The following AFG2A variants were observed in gnomAD, a reference collection of about 807,000 sequenced individuals.
AFG2A encodes AAA ATPase AFG2A.
At chr4:123,179,960 C>T in the AFG2A span, among the ~76,000 whole-genome samples, 1 of 152,170 alleles carries the variant, frequency 6.6e-6, no homozygotes, top group Non-Finnish European at 1.5e-5. Context: ...TGACTCCTGC[C>T]TGTAATCCCC....
chr4:123,048,373 T>C, the AFG2A span, among the ~76,000 whole-genome samples: 13 of 152,104 alleles, frequency 8.5e-5, no homozygotes, highest in Non-Finnish European at 1.9e-4. Context: ...AAATTTAGGA[T>C]TGCTTTTTCT....
the AFG2A span, among the ~76,000 whole-genome samples, chr4:123,243,219 C>T: frequency 5.3e-5 from 8 of 152,114 alleles, no homozygotes; most frequent in African/African-American, 1.2e-4. Flanking sequence ...ACTAGAAATA[C>T]CATTTGACCC....
chr4:123,017,479 A>G, the AFG2A span, among the ~76,000 whole-genome samples: 1 of 35,902 alleles, frequency 2.8e-5, no homozygotes, highest in East Asian at 9.4e-4. Flanking sequence ...AATGGCTTTT[A>G]CTTATTTTCA....
chr4:123,215,876 A>T, the AFG2A span, among the ~76,000 whole-genome samples: 6 of 152,120 alleles, frequency 3.9e-5, no homozygotes, highest in African/African-American at 1.4e-4. Flanking sequence ...TCTGTCTATG[A>T]ATCTGCCCTA....
the AFG2A span, among the ~76,000 whole-genome samples, chr4:123,069,714 A>C: frequency 6.6e-6 from 1 of 152,312 alleles, no homozygotes; most frequent in Non-Finnish European, 1.5e-5. Context: ...AAGTATAAAC[A>C]TATTCTTATC....
chr4:123,124,468 T>C, the AFG2A span, among the ~76,000 whole-genome samples: 69,182 of 151,830 alleles, frequency 0.46, 19,254 homozygotes, highest in Non-Finnish European at 0.61. Context: ...AAGGGGAACA[T>C]CACATACCAG....
the AFG2A span, among the ~76,000 whole-genome samples, chr4:123,059,842 C>A: frequency 6.6e-6 from 1 of 152,060 alleles, no homozygotes; most frequent in African/African-American, 2.4e-5. Context: ...TAATGATCGC[C>A]ATTCTAACTG....
At chr4:123,189,726 G>A in the AFG2A span, among the ~76,000 whole-genome samples, 1 of 150,162 alleles carries the variant, frequency 6.7e-6, no homozygotes, top group African/African-American at 2.5e-5. Flanking sequence ...CCTTCCATTT[G>A]CCTACAGCCA....
the AFG2A span, among the ~76,000 whole-genome samples, chr4:123,265,879 A>G: frequency 5.3e-5 from 8 of 152,052 alleles, no homozygotes; most frequent in African/African-American, 1.9e-4. Flanking sequence ...CTTCTTCCAA[A>G]TTCTCAGTCT....
the AFG2A span, among the ~76,000 whole-genome samples, chr4:123,291,660 C>G: frequency 6.6e-6 from 1 of 152,168 alleles, no homozygotes; most frequent in African/African-American, 2.4e-5. Flanking sequence ...AGTTATTCTG[C>G]TTTTGAGAAG....
the AFG2A span, among the ~76,000 whole-genome samples, chr4:122,948,787 AC>A: frequency 0.012 from 1,837 of 152,008 alleles, 42 homozygotes; most frequent in African/African-American, 0.041. Flanking sequence ...CCACATGGCA[AC>A]CTCCTTTCTT....
the AFG2A span, among the ~76,000 whole-genome samples, chr4:122,978,282 C>G: frequency 1.3e-5 from 2 of 152,180 alleles, no homozygotes; most frequent in Non-Finnish European, 1.5e-5. Flanking sequence ...GGAGAGGAGA[C>G]CCGGAGTGGG....
the AFG2A span, among the ~76,000 whole-genome samples, chr4:123,247,480 A>G: frequency 3.3e-5 from 5 of 152,246 alleles, 1 homozygote; most frequent in Admixed American, 3.3e-4. Flanking sequence ...GCTGGAGTGC[A>G]GTGGTGGATG....
the AFG2A span, among the ~76,000 whole-genome samples, chr4:123,180,228 C>A: frequency 6.6e-6 from 1 of 152,056 alleles, no homozygotes; most frequent in Non-Finnish European, 1.5e-5. Flanking sequence ...TCAGAAAAAA[C>A]AACAACAACA....
At chr4:123,060,575 C>T in the AFG2A span, among the ~76,000 whole-genome samples, 6 of 152,168 alleles carry the variant, frequency 3.9e-5, no homozygotes, top group Non-Finnish European at 5.9e-5. Flanking sequence ...ATGCCTGGAG[C>T]GGCTGGGATG....
the AFG2A span, among the ~76,000 whole-genome samples, chr4:122,980,248 C>G: frequency 0.033 from 5,069 of 152,224 alleles, 160 homozygotes; most frequent in South Asian, 0.15. Context: ...TTTTGTCTTT[C>G]TGTGTACCTT....
the AFG2A span, among the ~76,000 whole-genome samples, chr4:122,998,020 A>G: frequency 6.6e-6 from 1 of 152,096 alleles, no homozygotes; most frequent in African/African-American, 2.4e-5. Flanking sequence ...GAGTTGTGAC[A>G]GTTCTTTATG....
chr4:123,273,441 T>G, the AFG2A span, among the ~76,000 whole-genome samples: 2 of 152,132 alleles, frequency 1.3e-5, no homozygotes, highest in Non-Finnish European at 2.9e-5. Flanking sequence ...TATATAAAAT[T>G]GTAATTAATA....
chr4:123,288,093 A>T, the AFG2A span, among the ~76,000 whole-genome samples: 3 of 152,242 alleles, frequency 2.0e-5, no homozygotes, highest in East Asian at 5.8e-4. Context: ...GATTAAATAG[A>T]TTGAGAACTG....
Sources: gnomAD v4.1 joint callset for allele counts (sites outside exome capture counted in the v4.1 genomes callset) on GRCh38, gnomAD v4.1.1 for gene constraint, MANE v1.5 for transcripts, NCBI Gene and HGNC (gene_info 2026-07-23, HGNC 2026-07-21) for gene names.